The following PCBP3 variants were observed in gnomAD, a reference collection of about 807,000 sequenced individuals.
PCBP3 encodes the protein poly(rC) binding protein 3.
PCBP3 carries 25 observed loss-of-function variants against 52.7 expected under a neutral mutation model. The observed-to-expected ratio is 0.47, with a 90% CI of 0.35 to 0.66. The LOEUF (loss-of-function observed/expected upper bound fraction) is 0.66. Among genes scored for constraint, PCBP3 ranks in the 30% least tolerant of loss-of-function variants. The pLI, the probability that PCBP3 is intolerant of heterozygous loss-of-function variation, is 0.01. For synonymous variants in PCBP3, 162 were observed against 183.0 expected (o/e 0.89, Z 0.93); for missense variants, 391 against 490.3 (o/e 0.80, Z 1.91).
At chr21:45,909,039 C>T (rs1244604837) in intron 9 of PCBP3, among the ~76,000 whole-genome samples, 1 of 152,136 alleles carries the variant, frequency 6.6e-6, no homozygotes, top group East Asian at 1.9e-4. Flanking sequence ...GGCCAGCACC[C>T]ACACTTCCTG....
chr21:45,770,063 G>A (rs1020325333), intron 4 of PCBP3, among the ~76,000 whole-genome samples: 1 of 152,228 alleles, frequency 6.6e-6, no homozygotes, highest in Non-Finnish European at 1.5e-5. Context: ...ACGCCGGGGG[G>A]TTGGCAGGTG....
At chr21:45,906,935 A>G (rs1307482617) in intron 9 of PCBP3, among the ~76,000 whole-genome samples, 3 of 152,178 alleles carry the variant, frequency 2.0e-5, no homozygotes, top group Admixed American at 6.5e-5. Context: ...TAAACTGAGG[A>G]GGAGGATGAC....
At chr21:45,667,005 T>C (rs1459028620) in intron 1 of PCBP3, among the ~76,000 whole-genome samples, 2 of 152,018 alleles carry the variant, frequency 1.3e-5, no homozygotes, top group South Asian at 2.1e-4. Context: ...TTTTCAATTA[T>C]AATCCTTTCA....
intron 4 of PCBP3, among the ~76,000 whole-genome samples, chr21:45,849,657 G>A (rs2093916851): frequency 6.6e-6 from 1 of 152,192 alleles, no homozygotes; most frequent in African/African-American, 2.4e-5. Context: ...TAAAATCAGT[G>A]TAGATATAAG....
intron 4 of PCBP3, among the ~76,000 whole-genome samples, chr21:45,814,850 GTGGTGAGTGATGAGTGGTGAC>G: frequency 8.2e-6 from 1 of 121,380 alleles, no homozygotes; most frequent in East Asian, 3.1e-4. Context: ...TGATGAGTGA[GTGGTGAGTGATGAGTGGTGAC>G]TGGTGAGTGA....
rs1005042720 is a variant in PCBP3 at position 45,837,019 on chromosome 21, C to T, written c.-125-12942C>T. On this transcript the variant is annotated intron_variant, in intron 4 of 17. Transcript: ENST00000681687. The surrounding 1 kb of genome is among the most constrained non-coding windows in gnomAD (Gnocchi z 4.1). Reference sequence around the variant, plus strand: ...ACATTCCTGTGTGTTTCTTTTGGTGCACACATGAGGTGTTTTTGGTTTAAG... The same window carrying T: ...ACATTCCTGTGTGTTTCTTTTGGTGTACACATGAGGTGTTTTTGGTTTAAG... 6.6e-6 allele frequency among the ~76,000 whole-genome samples: 1 copy of T among 152,150 alleles called. No individual in the cohort carries two copies. The highest frequency in any genetic ancestry group is 2.4e-5 in the African/African-American group (1 of 41,438).
chr21:45,752,640 C>A (rs1294107526), intron 3 of PCBP3, among the ~76,000 whole-genome samples: 2 of 151,616 alleles, frequency 1.3e-5, no homozygotes, highest in Admixed American at 6.6e-5. Context: ...TTTATATATA[C>A]ATAATTTTAA....
At chr21:45,816,220 T>C (rs552884648) in intron 4 of PCBP3, among the ~76,000 whole-genome samples, 1 of 152,140 alleles carries the variant, frequency 6.6e-6, no homozygotes, top group African/African-American at 2.4e-5. Flanking sequence ...ACTTGGGATA[T>C]GCTAAATTTA....
At chr21:45,647,570 A>G (rs934413767) in intron 1 of PCBP3, among the ~76,000 whole-genome samples, 2 of 152,296 alleles carry the variant, frequency 1.3e-5, no homozygotes, top group Non-Finnish European at 2.9e-5. Context: ...ATAATTGGGC[A>G]TGGATTGGGT....
At chr21:45,764,060 T>G (rs1369799556) in intron 4 of PCBP3, among the ~76,000 whole-genome samples, 3 of 152,214 alleles carry the variant, frequency 2.0e-5, no homozygotes, top group Non-Finnish European at 4.4e-5. Context: ...AGCTCCTCCC[T>G]TTTGTTCTTA....
At chr21:45,749,785 C>T (rs2087250009) in intron 3 of PCBP3, 1 of 152,172 alleles carries the variant, frequency 6.6e-6, no homozygotes, top group African/African-American at 2.4e-5. Flanking sequence ...ACCACAGCAC[C>T]ATTGTCAGCT....
intron 4 of PCBP3, among the ~76,000 whole-genome samples, chr21:45,825,905 T>G (rs2093294460): frequency 1.3e-5 from 2 of 152,156 alleles, no homozygotes; most frequent in Non-Finnish European, 2.9e-5. Flanking sequence ...ATTTTAACTA[T>G]TAGTATTAAA....
At position 45,785,538 on chromosome 21, in the gene PCBP3, C is replaced by T. The variant is rs1316095172; in HGVS notation, c.-126+30086C>T. On this transcript the variant is annotated intron_variant, in intron 4 of 17. Transcript: ENST00000681687. ...GGGGTCAGCCCCCCGCCCGGCCAGCCGCCCCATCCGGGAGGTGAGGGGCGC... is the reference window on the plus strand; with the variant it reads ...GGGGTCAGCCCCCCGCCCGGCCAGCTGCCCCATCCGGGAGGTGAGGGGCGC... 6.6e-5 allele frequency among the ~76,000 whole-genome samples: 10 copies of T among 150,504 alleles called. No individual in the cohort carries two copies. The South Asian group carries it at 1.0e-3, about 16-fold the overall frequency.
chr21:45,744,919 T>G (rs2086716797), intron 3 of PCBP3, among the ~76,000 whole-genome samples: 1 of 152,244 alleles, frequency 6.6e-6, no homozygotes, highest in Non-Finnish European at 1.5e-5. Flanking sequence ...TTAAGTATCA[T>G]GTTTGCCCTG....
chr21:45,940,467 C>T (rs1223247051), intron 17 of PCBP3, among the ~76,000 whole-genome samples: 1 of 152,234 alleles, frequency 6.6e-6, no homozygotes, highest in African/African-American at 2.4e-5. Flanking sequence ...AAGGCAGGTG[C>T]TCCTGTGGCC....
chr21:45,668,173 G>A (rs1324956586), intron 1 of PCBP3, among the ~76,000 whole-genome samples: 4 of 152,078 alleles, frequency 2.6e-5, no homozygotes, highest in African/African-American at 9.7e-5. Context: ...ACAACCTTGA[G>A]TAGGTGCATA....
intron 16 of PCBP3, among the ~76,000 whole-genome samples, chr21:45,938,011 G>T (rs1379020024): frequency 6.6e-6 from 1 of 152,254 alleles, no homozygotes; most frequent in Admixed American, 6.5e-5. Context: ...TGGGGAGATG[G>T]GCACCCTGAG....
chr21:45,799,489 G>T (rs947070624), intron 4 of PCBP3, among the ~76,000 whole-genome samples: 2 of 152,110 alleles, frequency 1.3e-5, no homozygotes, highest in Non-Finnish European at 1.5e-5. Flanking sequence ...TTTATCATAG[G>T]ACAGTTTATA....
At chr21:45,772,686 T>C (rs545542105) in intron 4 of PCBP3, among the ~76,000 whole-genome samples, 21 of 152,340 alleles carry the variant, frequency 1.4e-4, no homozygotes, top group South Asian at 6.2e-4. Context: ...CCACCAATGA[T>C]ATATAAGTAT....
Sources: allele counts gnomAD v4.1 joint callset (sites outside exome capture counted in the v4.1 genomes callset), GRCh38; gene constraint gnomAD v4.1.1; non-coding constraint Gnocchi (gnomAD v3.1); transcripts MANE v1.5; gene names NCBI Gene and HGNC (gene_info 2026-07-23, HGNC 2026-07-21).